Variants in AQP4 observed in about 807,000 individuals in gnomAD.
The protein encoded by AQP4 is aquaporin 4.
Under a neutral mutation model 27.8 loss-of-function variants are expected in AQP4, and 18 were observed. That is an observed-to-expected ratio of 0.65 (90% confidence interval 0.45 to 0.96). AQP4 has a LOEUF of 0.96. AQP4 is among the 40% of genes least tolerant of loss of function. The pLI is 0.00. For missense variants in AQP4, 412 were observed against 408.2 expected (o/e 1.01, Z -0.08); for synonymous variants, 141 against 142.9 (o/e 0.99, Z 0.10).
At chr18:26,863,873 G>T (rs1231519488) in intron 1 of AQP4, among the ~76,000 whole-genome samples, 2 of 152,116 alleles carry the variant, frequency 1.3e-5, no homozygotes, top group Non-Finnish European at 2.9e-5. Flanking sequence ...GAGGGAGGAC[G>T]CCTTCTCCTC....
rs774609951 is a variant in AQP4, at chr18:26,856,310, G to T, written c.873C>A (p.Asp291Glu). Residue 291 changes from aspartate (D) to glutamate (E), a missense_variant, in exon 5 of 5, where the codon GAC becomes GAA. Coordinates refer to ENST00000383168, the MANE Select transcript of AQP4 (RefSeq NM_001650.7). ...GCACCACTCCAGGTTTTAGAATCAG[G>T]TCATCCGTCTCTACCTGACTCCTGT... ...EDNRSQVETD[D>E]LILKPGVVHV... 10 of 1,614,032 alleles carry T rather than the reference G, an allele frequency of 6.2e-6. No homozygotes were observed. The highest frequency in any genetic ancestry group is 3.3e-5 in the South Asian group (3 of 91,084).
At chr18:26,858,020 C>T (rs1206625722) in intron 4 of AQP4, among the ~76,000 whole-genome samples, 1 of 152,074 alleles carries the variant, frequency 6.6e-6, no homozygotes, top group African/African-American at 2.4e-5. Context: ...CCTGTAATCC[C>T]AGCACTTTAA....
intron 4 of AQP4, among the ~76,000 whole-genome samples, chr18:26,857,690 A>G (rs2054868856): frequency 6.6e-6 from 1 of 152,164 alleles, no homozygotes; most frequent in Non-Finnish European, 1.5e-5. Context: ...TGAAGTGCAG[A>G]CATTTGCTTT....
In AQP4 at chr18:26,859,483, T is replaced by C. The variant is rs576613128; in HGVS notation, c.693+1289A>G. On this transcript the variant is annotated intron_variant, in intron 4 of 4. Transcript: ENST00000383168. ...TTGCAGCAAGCCGAGATCATGCCACTGCACTCCAGCCTGGGCAACAGAGCA... is the reference window on the plus strand; with the variant it reads ...TTGCAGCAAGCCGAGATCATGCCACCGCACTCCAGCCTGGGCAACAGAGCA... 2.6e-5 allele frequency among the ~76,000 whole-genome samples: 4 copies of C among 152,296 alleles called. No individual in the cohort carries two copies. In the South Asian group the frequency reaches 8.3e-4, roughly 32 times the overall value.
chr18:26,859,139 A>G (rs1447968527), intron 4 of AQP4, among the ~76,000 whole-genome samples: 3 of 152,236 alleles, frequency 2.0e-5, no homozygotes, highest in Non-Finnish European at 4.4e-5. Flanking sequence ...TTTCATCTAC[A>G]TTTTCAAGTG....
Sources: allele counts gnomAD v4.1 joint callset (sites outside exome capture counted in the v4.1 genomes callset), GRCh38; gene constraint gnomAD v4.1.1; transcripts MANE v1.5; gene names NCBI Gene and HGNC (gene_info 2026-07-23, HGNC 2026-07-21).